Variants in CHST11 observed in about 807,000 individuals in gnomAD.
The protein encoded by CHST11 is carbohydrate sulfotransferase 11, also known as C4S-1.
In CHST11, 9 loss-of-function variants were observed where a neutral mutation model predicts 30.4. The ratio of observed to expected loss-of-function variants is 0.30; its 90% CI spans 0.18 to 0.52. The LOEUF (loss-of-function observed/expected upper bound fraction) is 0.52, where lower values mean the gene tolerates loss of function less well. Among genes scored for constraint, CHST11 ranks in the 20% least tolerant of loss-of-function variants. The pLI is 0.97. For synonymous variants in CHST11, 152 were observed against 187.8 expected (o/e 0.81, Z 1.56); for missense variants, 348 against 460.6 (o/e 0.76, Z 2.24).
chr12:104,508,995 A>G (rs2037935687), intron 1 of CHST11, among the ~76,000 whole-genome samples: 1 of 151,966 alleles, frequency 6.6e-6, no homozygotes, highest in South Asian at 2.1e-4. Context: ...CAGAATGACT[A>G]TAATCCTTCA....
chr12:104,740,381 C>A (rs1198120429), intron 2 of CHST11, among the ~76,000 whole-genome samples: 1 of 152,206 alleles, frequency 6.6e-6, no homozygotes, highest in Non-Finnish European at 1.5e-5. Flanking sequence ...AGATGACACT[C>A]CCTGCCCTCT....
intron 1 of CHST11, among the ~76,000 whole-genome samples, chr12:104,547,890 C>T (rs1194752010): frequency 6.6e-6 from 1 of 151,996 alleles, no homozygotes; most frequent in Non-Finnish European, 1.5e-5. Flanking sequence ...GTCTTGATCC[C>T]CAGAAGTGTG....
intron 1 of CHST11, among the ~76,000 whole-genome samples, chr12:104,572,476 T>G (rs190358116): frequency 6.6e-6 from 1 of 152,364 alleles, no homozygotes; most frequent in Admixed American, 6.5e-5. Context: ...TATCCATTTC[T>G]TCTAGAATTT....
At chr12:104,546,749 A>G (rs909085363) in intron 1 of CHST11, among the ~76,000 whole-genome samples, 1 of 152,116 alleles carries the variant, frequency 6.6e-6, no homozygotes, top group African/African-American at 2.4e-5. Context: ...TCTTTTCCCC[A>G]CTGGACAAAA....
chr12:104,639,464 A>G (rs1279621313), intron 2 of CHST11, among the ~76,000 whole-genome samples: 1 of 152,182 alleles, frequency 6.6e-6, no homozygotes, highest in Non-Finnish European at 1.5e-5. Context: ...CACTGTGATG[A>G]TGGATTTTCC....
chr12:104,535,674 G>A (rs922078797), intron 1 of CHST11, among the ~76,000 whole-genome samples: 5 of 152,322 alleles, frequency 3.3e-5, no homozygotes, highest in African/African-American at 1.2e-4. Flanking sequence ...CAGAAGGGGA[G>A]GGCGGAATGG....
intron 2 of CHST11, among the ~76,000 whole-genome samples, chr12:104,704,667 T>G (rs1005756418): frequency 3.9e-5 from 6 of 152,228 alleles, no homozygotes; most frequent in African/African-American, 1.4e-4. Context: ...TTTAGAGTAG[T>G]TCAAAAAATA....
chr12:104,628,397 T>C (rs539676140), intron 2 of CHST11, among the ~76,000 whole-genome samples: 2 of 152,102 alleles, frequency 1.3e-5, no homozygotes, highest in African/African-American at 4.8e-5. Context: ...GGGCAAAAGA[T>C]TTCTATTTTA....
chr12:104,677,032 C>T (rs538193895), intron 2 of CHST11, among the ~76,000 whole-genome samples: 70 of 152,252 alleles, frequency 4.6e-4, no homozygotes, highest in African/African-American at 1.6e-3. Flanking sequence ...AACCTTCTCC[C>T]GACCCTGCCC....
chr12:104,514,063 C>T, intron 1 of CHST11: 2 of 1,030,608 alleles, frequency 1.9e-6, no homozygotes, highest in East Asian at 4.8e-5. Flanking sequence ...ATTTCTCTAG[C>T]TCTGGTTTAC....
chr12:104,692,436 C>T (rs2039904721), intron 2 of CHST11, among the ~76,000 whole-genome samples: 1 of 152,354 alleles, frequency 6.6e-6, no homozygotes, highest in South Asian at 2.1e-4. Context: ...CAGTGTTTTG[C>T]ATATATTAAC....
intron 1 of CHST11, among the ~76,000 whole-genome samples, chr12:104,511,975 C>T (rs12311871): frequency 0.019 from 2,890 of 152,266 alleles, 107 homozygotes; most frequent in African/African-American, 0.066. Context: ...TTTAAGTCAT[C>T]TCCAGATCAC....
intron 2 of CHST11, among the ~76,000 whole-genome samples, chr12:104,733,661 C>T (rs2040274476): frequency 6.6e-6 from 1 of 152,212 alleles, no homozygotes; most frequent in Admixed American, 6.5e-5. Flanking sequence ...TTGCGCCAAC[C>T]TAATACTATC....
At chr12:104,687,453 C>T (rs964359529) in intron 2 of CHST11, among the ~76,000 whole-genome samples, 1 of 152,234 alleles carries the variant, frequency 6.6e-6, no homozygotes, top group African/African-American at 2.4e-5. Context: ...CTCATCTCAC[C>T]GTCCAACCAC....
chr12:104,540,093 C>T (rs1006455935), intron 1 of CHST11, among the ~76,000 whole-genome samples: 1 of 152,220 alleles, frequency 6.6e-6, no homozygotes, highest in Admixed American at 6.5e-5. Context: ...GTTTGTGTGA[C>T]TCAGTGTAGC....
intron 1 of CHST11, among the ~76,000 whole-genome samples, chr12:104,497,659 G>A (rs887650849): frequency 2.0e-5 from 3 of 152,102 alleles, no homozygotes; most frequent in African/African-American, 7.2e-5. Flanking sequence ...TTTTCCATGA[G>A]GAACCAAAGT....
chr12:104,733,991 G>A (rs1042347315), intron 2 of CHST11, among the ~76,000 whole-genome samples: 1 of 152,230 alleles, frequency 6.6e-6, no homozygotes, highest in Non-Finnish European at 1.5e-5. Flanking sequence ...AGGAATGTGG[G>A]CTTATGCCTC....
chr12:104,724,483 T>C (rs899443499), intron 2 of CHST11, among the ~76,000 whole-genome samples: 4 of 152,076 alleles, frequency 2.6e-5, no homozygotes, highest in Admixed American at 6.5e-5. Flanking sequence ...CATTTTTTTT[T>C]AAAGGGGAGA....
intron 2 of CHST11, among the ~76,000 whole-genome samples, chr12:104,674,648 T>C (rs1217381931): frequency 6.6e-6 from 1 of 152,210 alleles, no homozygotes; most frequent in African/African-American, 2.4e-5. Flanking sequence ...ATAGAATTAA[T>C]TGAATATTGA....
Sources: gnomAD v4.1 joint callset for allele counts (sites outside exome capture counted in the v4.1 genomes callset) on GRCh38, gnomAD v4.1.1 for gene constraint, MANE v1.5 for transcripts, NCBI Gene and HGNC (gene_info 2026-07-23, HGNC 2026-07-21) for gene names.